ELMO1: variants seen among roughly 807,000 people sequenced by gnomAD.
ELMO1 encodes the protein engulfment and cell motility 1.
A neutral mutation model predicts 98.9 loss-of-function variants in ELMO1; 26 were observed. The observed-to-expected ratio is 0.26, with a 90% CI of 0.19 to 0.36. The LOEUF is 0.36. ELMO1 is among the 10% of genes least tolerant of loss of function. The probability of loss-of-function intolerance (pLI) is 1.00; values close to 1 mark genes in which losing one functional copy is unlikely to be tolerated. For missense variants in ELMO1, 627 were observed against 935.2 expected, an observed-to-expected ratio of 0.67 and a Z score of 4.30; for synonymous variants, 346 against 346.0, an observed-to-expected ratio of 1.00 and a Z score of 0.00.
At chr7:37,132,860 T>C (rs979567488) in intron 14 of ELMO1, 18 of 230,128 alleles carry the variant, frequency 7.8e-5, no homozygotes, top group African/African-American at 3.6e-4. Context: ...AGAGTTTTTG[T>C]CATAATTCAA....
chr7:37,099,717 C>A (rs1272165630), intron 14 of ELMO1, among the ~76,000 whole-genome samples: 1 of 152,110 alleles, frequency 6.6e-6, no homozygotes, highest in Non-Finnish European at 1.5e-5. Flanking sequence ...AATTGATTTC[C>A]AACAAGTCCA....
At chr7:37,133,311 C>T in intron 13 of ELMO1, 77 bp from the exon 14 acceptor site, 1 of 1,129,262 alleles carries the variant, frequency 8.9e-7, no homozygotes, top group Non-Finnish European at 1.3e-6. Context: ...GATTTCCCTC[C>T]TCAAGAGTGA....
chr7:37,061,537 T>C (rs1796667469), intron 15 of ELMO1, among the ~76,000 whole-genome samples: 1 of 152,102 alleles, frequency 6.6e-6, no homozygotes, highest in African/African-American at 2.4e-5. Flanking sequence ...CACAATGCTT[T>C]TGTGGCCACC....
intron 13 of ELMO1, among the ~76,000 whole-genome samples, chr7:37,181,327 G>A (rs6946785): frequency 0.53 from 80,949 of 151,794 alleles, 22,786 homozygotes; most frequent in East Asian, 0.67. Context: ...CTAAGTCACC[G>A]AGAAGGAGGA....
chr7:37,284,223 C>T (rs1797281662), intron 4 of ELMO1, among the ~76,000 whole-genome samples: 1 of 152,184 alleles, frequency 6.6e-6, no homozygotes, highest in African/African-American at 2.4e-5. Context: ...AGACCCTCAA[C>T]AACTGAATGG....
intron 9 of ELMO1, among the ~76,000 whole-genome samples, chr7:37,223,870 A>G (rs1201944009): frequency 6.6e-6 from 1 of 152,220 alleles, no homozygotes; most frequent in East Asian, 1.9e-4. Flanking sequence ...TATATTATCA[A>G]CACAACAGTT....
At chr7:36,915,144 C>T (rs1784600235) in intron 16 of ELMO1, among the ~76,000 whole-genome samples, 1 of 152,038 alleles carries the variant, frequency 6.6e-6, no homozygotes, top group Admixed American at 6.5e-5. Flanking sequence ...CCAGGCTGGT[C>T]TTGAACTCGT....
At chr7:37,361,917 G>A (rs979248217) in intron 1 of ELMO1, among the ~76,000 whole-genome samples, 8 of 152,232 alleles carry the variant, frequency 5.3e-5, no homozygotes, top group African/African-American at 1.9e-4. Flanking sequence ...AGCAGAGGTT[G>A]CACCACCACA....
intron 16 of ELMO1, among the ~76,000 whole-genome samples, chr7:36,932,320 C>T (rs1433597478): frequency 2.0e-5 from 3 of 152,022 alleles, no homozygotes; most frequent in South Asian, 2.1e-4. Context: ...CTGGGCGATA[C>T]GTGATAAAAG....
At chr7:37,190,040 C>CA (rs34898853) in intron 13 of ELMO1, among the ~76,000 whole-genome samples, 61,319 of 135,698 alleles carry the variant, frequency 0.45, 14,214 homozygotes, top group Middle Eastern at 0.59. Flanking sequence ...TTGTCCCTAC[C>CA]AAAAAAAAAA....
intron 13 of ELMO1, among the ~76,000 whole-genome samples, chr7:37,151,651 A>G (rs1422456249): frequency 1.3e-5 from 2 of 152,168 alleles, no homozygotes; most frequent in African/African-American, 4.8e-5. Flanking sequence ...TTCTGACAGG[A>G]GATGGTTTTC....
rs141361241 is a variant in ELMO1, at chr7:37,223,356, G to A, written c.702-663C>T. Among the ~76,000 whole-genome samples the A allele has an allele frequency of 6.7e-3, 1,025 of 152,340 alleles. 41 individuals are homozygous for A. The highest frequency in any genetic ancestry group is 0.06 in the Admixed American group (925 of 15,304). On this transcript the variant is annotated intron_variant, in intron 9 of 21. Transcript: ENST00000310758. ...TTTAGGAATAACTTATCAGGCCAGT[G>A]AGAGAGAGGTGGAGCTTAGAACTAG...
chr7:36,987,169 G>A (rs1265299054), intron 16 of ELMO1, among the ~76,000 whole-genome samples: 2 of 152,086 alleles, frequency 1.3e-5, no homozygotes, highest in Non-Finnish European at 2.9e-5. Context: ...GAACACTAGG[G>A]ATCTCCCTGG....
intron 10 of ELMO1, 35 bp downstream of exon 10, chr7:37,222,580 T>C (rs1793657801): frequency 6.2e-7 from 1 of 1,603,402 alleles, no homozygotes; most frequent in East Asian, 2.2e-5. Flanking sequence ...TTCCTAGCCT[T>C]GACATAGCCA....
intron 8 of ELMO1, among the ~76,000 whole-genome samples, chr7:37,230,139 A>C (rs990993103): frequency 2.0e-5 from 3 of 152,136 alleles, no homozygotes; most frequent in South Asian, 4.2e-4. Context: ...TTATTCATTC[A>C]TTTCACAGAA....
chr7:36,959,183 CCTT>C (rs2129117109), intron 16 of ELMO1, among the ~76,000 whole-genome samples: 1 of 152,254 alleles, frequency 6.6e-6, no homozygotes, highest in East Asian at 1.9e-4. Context: ...CATGCCCACT[CCTT>C]GTCATCTCTA....
intron 14 of ELMO1, among the ~76,000 whole-genome samples, chr7:37,114,513 TC>T (rs1250116472): frequency 2.6e-5 from 4 of 152,280 alleles, no homozygotes; most frequent in African/African-American, 7.2e-5. Flanking sequence ...GGTTGCCTTA[TC>T]AAGGCAACCC....
chr7:37,266,195 A>T (rs1168371523), intron 5 of ELMO1, among the ~76,000 whole-genome samples: 2 of 152,208 alleles, frequency 1.3e-5, no homozygotes, highest in African/African-American at 4.8e-5. Flanking sequence ...AATTTAAGGC[A>T]TGTTACAACC....
intron 15 of ELMO1, among the ~76,000 whole-genome samples, chr7:37,022,629 T>C (rs945746581): frequency 2.6e-5 from 4 of 152,236 alleles, no homozygotes; most frequent in Admixed American, 6.5e-5. Context: ...CCACTGTTGA[T>C]GGGAGTGTAA....
Sources: allele counts gnomAD v4.1 joint callset (sites outside exome capture counted in the v4.1 genomes callset), GRCh38; gene constraint gnomAD v4.1.1; transcripts MANE v1.5; gene names NCBI Gene and HGNC (gene_info 2026-07-23, HGNC 2026-07-21).